The following FRMD4B variants were observed in gnomAD, a reference collection of about 807,000 sequenced individuals.
The protein encoded by FRMD4B is FERM domain-containing protein 4B.
A neutral mutation model predicts 141.5 loss-of-function variants in FRMD4B; 74 were observed. The ratio of observed to expected loss-of-function variants is 0.52; its 90% CI spans 0.43 to 0.63. The LOEUF is 0.63. Ranked by LOEUF, FRMD4B falls within the 30% of genes least tolerant of loss-of-function variation. FRMD4B has a pLI of 0.00. For synonymous variants in FRMD4B, 506 were observed against 467.9 expected, an observed-to-expected ratio of 1.08 and a Z score of -1.05; for missense variants, 1,366 against 1,253.4, an observed-to-expected ratio of 1.09 and a Z score of -1.36.
intron 9 of FRMD4B, among the ~76,000 whole-genome samples, chr3:69,219,417 C>A (rs553236570): frequency 1.5e-4 from 23 of 151,840 alleles, no homozygotes; most frequent in African/African-American, 5.6e-4. Flanking sequence ...GTAAATGGCC[C>A]GCATGCAAAT....
intron 11 of FRMD4B, among the ~76,000 whole-genome samples, chr3:69,204,691 T>C (rs1205816396): frequency 2.0e-5 from 3 of 152,310 alleles, no homozygotes; most frequent in Non-Finnish European, 2.9e-5. Context: ...TGAGACAAAG[T>C]CTCTGCCCTC....
At position 69,199,486 on chromosome 3, in the gene FRMD4B, T is replaced by C. The variant is rs75512838; in HGVS notation, c.877-712A>G. Among the ~76,000 whole-genome samples, 1,217 of 152,322 alleles carry C rather than the reference T, an allele frequency of 8.0e-3. 15 individuals carry two copies. The highest frequency in any genetic ancestry group is 0.028 in the African/African-American group (1,166 of 41,568). ...TATTTCAATAACATCAGAGATTGAA[T>C]TTCAAAAGAATACAAAGTGAAAGTA... On this transcript the variant is annotated intron_variant, in intron 11 of 22. Transcript: ENST00000398540.
intron 2 of FRMD4B, among the ~76,000 whole-genome samples, chr3:69,404,315 T>G (rs1704617226): frequency 6.6e-6 from 1 of 152,176 alleles, no homozygotes; most frequent in African/African-American, 2.4e-5. Flanking sequence ...AAAATAAAAT[T>G]AAATAAATGC....
intron 10 of FRMD4B, 59 bp from the exon 11 acceptor site, chr3:69,216,408 T>C (rs2093141578): frequency 2.8e-6 from 2 of 722,748 alleles, no homozygotes; most frequent in South Asian, 3.3e-5. Context: ...TAGAAGTGAA[T>C]AAAATTTACC....
chr3:69,279,335 G>A (rs1252646850), intron 5 of FRMD4B, among the ~76,000 whole-genome samples: 1 of 152,146 alleles, frequency 6.6e-6, no homozygotes. Context: ...TGGCCAAATT[G>A]TTTAACCTAT....
chr3:69,329,516 A>ATTTTGTTTTT (rs1702296965), intron 1 of FRMD4B, among the ~76,000 whole-genome samples: 2 of 55,572 alleles, frequency 3.6e-5, no homozygotes, highest in Admixed American at 3.4e-4. Flanking sequence ...TGCCCAGCTA[A>ATTTTGTTTTT]TTTTTTTTTT....
At chr3:69,268,442 C>A (rs2093578309) in intron 5 of FRMD4B, among the ~76,000 whole-genome samples, 1 of 152,016 alleles carries the variant, frequency 6.6e-6, no homozygotes. Flanking sequence ...AAGCTCTCAA[C>A]TTCTGTACTT....
chr3:69,195,382 G>T lies in FRMD4B; in HGVS notation c.1235-18C>A, dbSNP rs1217537513. 6.3e-7 allele frequency: 1 copy of T among 1,594,846 alleles called. No homozygotes were observed. Among genetic ancestry groups the T allele is most frequent in the Non-Finnish European group, 8.5e-7 (1 of 1,173,376 alleles). ...TTGAGAACCTAGGGGATGAGGGAAGGGCAGGGAAGGTTTATACAAGGGATG... is the reference window on the plus strand; with the variant it reads ...TTGAGAACCTAGGGGATGAGGGAAGTGCAGGGAAGGTTTATACAAGGGATG... On this transcript the variant is annotated intron_variant, in intron 14 of 22. Transcript: ENST00000398540.
At chr3:69,418,907 G>C (rs1163428590) in intron 2 of FRMD4B, among the ~76,000 whole-genome samples, 2 of 151,916 alleles carry the variant, frequency 1.3e-5, no homozygotes, top group African/African-American at 2.4e-5. Context: ...TAAATTTGTG[G>C]TAATTTGTTA....
At chr3:69,213,661 AT>A (rs11322872) in intron 11 of FRMD4B, among the ~76,000 whole-genome samples, 91,280 of 132,248 alleles carry the variant, frequency 0.69, 32,150 homozygotes, top group Non-Finnish European at 0.77. Flanking sequence ...GTTTTCATTG[AT>A]TTTTTTTTTT....
chr3:69,287,740 C>CCTACCT lies in FRMD4B; in HGVS notation c.501+11_501+12insAGGTAG. On this transcript the variant is annotated intron_variant, in intron 5 of 22. Coordinates refer to ENST00000398540, the MANE Select transcript of FRMD4B (RefSeq NM_015123.3). Reference sequence around the variant, plus strand: ...GGAGGCATCCAGTGAACATGACAAACGGGGCACCTACCTTGTGCACACAGG... The same window carrying CCTACCT: ...GGAGGCATCCAGTGAACATGACAAACCTACCTGGGGCACCTACCTTGTGCACACAGG... 1 of 1,492,222 alleles carries CCTACCT rather than the reference C, an allele frequency of 6.7e-7. No homozygotes were observed. Among genetic ancestry groups the CCTACCT allele is most frequent in the Admixed American group, 1.7e-5 (1 of 59,226 alleles). The allele number at this position is 1,492,222 out of a possible 1,614,324, so 92.4% of individuals were successfully genotyped here.
intron 1 of FRMD4B, among the ~76,000 whole-genome samples, chr3:69,370,263 G>A (rs1250316914): frequency 4.6e-5 from 7 of 152,078 alleles, no homozygotes. Context: ...GAGAGCAAAC[G>A]GTCTGAAATG....
intron 1 of FRMD4B, among the ~76,000 whole-genome samples, chr3:69,505,117 C>A (rs536406616): frequency 6.6e-6 from 1 of 152,170 alleles, no homozygotes; most frequent in African/African-American, 2.4e-5. Flanking sequence ...TGCCTATAAT[C>A]CCAGCATTTT....
At chr3:69,368,793 G>A in intron 1 of FRMD4B, among the ~76,000 whole-genome samples, 1 of 152,116 alleles carries the variant, frequency 6.6e-6, no homozygotes, top group East Asian at 1.9e-4. Flanking sequence ...GAGTAGCTGG[G>A]ACTACAGGTA....
chr3:69,469,732 G>A (rs189488365), intron 1 of FRMD4B, among the ~76,000 whole-genome samples: 24 of 152,314 alleles, frequency 1.6e-4, no homozygotes, highest in Non-Finnish European at 2.9e-4. Flanking sequence ...AAATGATAGT[G>A]CTAAGAGCAC....
chr3:69,317,480 C>T (rs1701840347), intron 1 of FRMD4B, among the ~76,000 whole-genome samples: 1 of 152,116 alleles, frequency 6.6e-6, no homozygotes, highest in African/African-American at 2.4e-5. Flanking sequence ...GGTGCAGTGG[C>T]TAGCGCCTGT....
chr3:69,433,425 G>A (rs1422508754), intron 1 of FRMD4B, among the ~76,000 whole-genome samples: 1 of 152,158 alleles, frequency 6.6e-6, no homozygotes, highest in Non-Finnish European at 1.5e-5. Context: ...GTAAAAACAG[G>A]ACAAGGAGGG....
intron 2 of FRMD4B, among the ~76,000 whole-genome samples, chr3:69,397,652 G>A (rs944973361): frequency 6.6e-6 from 1 of 152,162 alleles, no homozygotes; most frequent in Non-Finnish European, 1.5e-5. Context: ...TATATGAAAT[G>A]TCTAGATTAG....
intron 1 of FRMD4B, among the ~76,000 whole-genome samples, chr3:69,369,281 T>A (rs2107486167): frequency 6.6e-6 from 1 of 152,334 alleles, no homozygotes; most frequent in African/African-American, 2.4e-5. Context: ...ATACATTAAG[T>A]ATGCACACAT....
Sources: gnomAD v4.1 joint callset for allele counts (sites outside exome capture counted in the v4.1 genomes callset) on GRCh38, gnomAD v4.1.1 for gene constraint, MANE v1.5 for transcripts, NCBI Gene and HGNC (gene_info 2026-07-23, HGNC 2026-07-21) for gene names.